The following UBE2N variants were observed in gnomAD, a reference collection of about 807,000 sequenced individuals.
The protein encoded by UBE2N is ubiquitin-conjugating enzyme E2 N.
For synonymous variants in UBE2N, 70 were observed against 69.2 expected, an observed-to-expected ratio of 1.01 and a Z score of -0.06; for missense variants, 60 against 192.1, an observed-to-expected ratio of 0.31 and a Z score of 4.07.
chr12:93,424,159 T>C (rs911661236), intron 1 of UBE2N: 1 of 152,370 alleles, frequency 6.6e-6, no homozygotes, highest in Non-Finnish European at 1.5e-5. Context: ...TCAAGGCTAG[T>C]TGATTTACAG....
At chr12:93,421,213 G>T (rs1878398082) in intron 1 of UBE2N, among the ~76,000 whole-genome samples, 1 of 146,570 alleles carries the variant, frequency 6.8e-6, no homozygotes, top group Non-Finnish European at 1.5e-5. Context: ...TTTTTGGGGG[G>T]GCTGGGGGGA....
intron 1 of UBE2N, among the ~76,000 whole-genome samples, chr12:93,429,674 C>T (rs1403416218): frequency 6.6e-6 from 1 of 151,904 alleles, no homozygotes; most frequent in Non-Finnish European, 1.5e-5. Flanking sequence ...TGTTACTGCC[C>T]CTGAAGACCT....
chr12:93,416,857 CAAAAAAA>C (rs4020452), intron 1 of UBE2N, among the ~76,000 whole-genome samples: 38 of 88,564 alleles, frequency 4.3e-4, no homozygotes, highest in African/African-American at 1.3e-3. Context: ...CCATCACTAC[CAAAAAAA>C]AAAAAAAAAA....
rs1422645037 is a variant in UBE2N, at chr12:93,407,732, G to C, written c.*2307C>G. 1 of 152,224 alleles carries C rather than the reference G, an allele frequency of 6.6e-6. No individual in the cohort carries two copies. Among genetic ancestry groups the C allele is most frequent in the Non-Finnish European group, 1.5e-5 (1 of 68,050 alleles). 9.4% of individuals were successfully genotyped at this position (152,224 alleles called of 1,614,324 possible). A position where few individuals can be genotyped will look rare whatever the true frequency, so the allele number is the denominator to read the frequency against. ...TCAGAATGTTTTAACCAGCCACACT[G>C]TGTGGGCCAGGGAAAACAGGCCCAA... On this transcript the variant is annotated 3_prime_UTR_variant, in exon 4 of 4. Transcript: ENST00000318066.
intron 1 of UBE2N, among the ~76,000 whole-genome samples, chr12:93,433,731 T>C (rs556540953): frequency 5.3e-4 from 80 of 152,378 alleles, no homozygotes; most frequent in African/African-American, 1.9e-3. Flanking sequence ...TGCTGGATGC[T>C]GCTGTCCTCA....
rs1224520086 is a variant in UBE2N at position 93,408,615 on chromosome 12, A to G, written c.*1424T>C. The G allele has an allele frequency of 1.3e-5, 2 of 152,192 alleles. No individual in the cohort carries two copies. The highest frequency in any genetic ancestry group is 4.8e-5 in the African/African-American group (2 of 41,458). The allele number at this position is 152,192 out of a possible 1,614,324, so 9.4% of individuals were successfully genotyped here. A position where few individuals can be genotyped will look rare whatever the true frequency, so the allele number is the denominator to read the frequency against. On this transcript the variant is annotated 3_prime_UTR_variant, in exon 4 of 4. Coordinates refer to ENST00000318066, the MANE Select transcript of UBE2N (RefSeq NM_003348.4). Reference sequence around the variant, plus strand: ...CAAGAATCAGGAATTAGATATGGAGAGAGGTGGGAAAGAACAGTTTTGTGA... The same window carrying G: ...CAAGAATCAGGAATTAGATATGGAGGGAGGTGGGAAAGAACAGTTTTGTGA...
chr12:93,438,226 G>A (rs1878993448), intron 1 of UBE2N, among the ~76,000 whole-genome samples: 1 of 152,146 alleles, frequency 6.6e-6, no homozygotes, highest in African/African-American at 2.4e-5. Flanking sequence ...GTTTAATGGG[G>A]AATAGAGAGA....
chr12:93,440,072 C>T (rs1879053919), intron 1 of UBE2N, among the ~76,000 whole-genome samples: 1 of 152,072 alleles, frequency 6.6e-6, no homozygotes, highest in Non-Finnish European at 1.5e-5. Flanking sequence ...TCTTCATAAT[C>T]AAAAATAGAA....
chr12:93,411,017 T>C, intron 2 of UBE2N, 36 bp downstream of exon 2: 2 of 1,614,026 alleles, frequency 1.2e-6, no homozygotes, highest in Non-Finnish European at 1.7e-6. Context: ...AGGAGAAAGC[T>C]TAATAATAGC....
chr12:93,410,328 T>C (rs922913471), intron 3 of UBE2N: 44 of 504,606 alleles, frequency 8.7e-5, no homozygotes, highest in African/African-American at 7.8e-4. Flanking sequence ...CATTTCTAGA[T>C]ACACAATTCT....
chr12:93,432,764 T>G (rs1003581869), intron 1 of UBE2N, among the ~76,000 whole-genome samples: 1 of 152,106 alleles, frequency 6.6e-6, no homozygotes, highest in African/African-American at 2.4e-5. Context: ...ACATAGCCAG[T>G]TGTTTTAATG....
intron 1 of UBE2N, among the ~76,000 whole-genome samples, chr12:93,435,409 G>A (rs1035736629): frequency 3.9e-5 from 6 of 152,050 alleles, no homozygotes; most frequent in African/African-American, 1.4e-4. Flanking sequence ...GGGGGCAGAG[G>A]TTGCAGTTAG....
At chr12:93,423,262 C>A (rs1878473523) in intron 1 of UBE2N, among the ~76,000 whole-genome samples, 1 of 152,184 alleles carries the variant, frequency 6.6e-6, no homozygotes, top group Non-Finnish European at 1.5e-5. Context: ...TAACTAATAA[C>A]TCTTAATATC....
At chr12:93,411,341 T>C in intron 1 of UBE2N, 42 bp from the exon 2 acceptor site, 1 of 1,552,734 alleles carries the variant, frequency 6.4e-7, no homozygotes, top group East Asian at 2.3e-5. Flanking sequence ...CAAATGTCAT[T>C]TTGCTAGACA....
At chr12:93,439,560 G>A (rs531325739) in intron 1 of UBE2N, among the ~76,000 whole-genome samples, 1 of 152,272 alleles carries the variant, frequency 6.6e-6, no homozygotes, top group South Asian at 2.1e-4. Context: ...ACAAAGTCAT[G>A]TCCCTATTGC....
intron 1 of UBE2N, among the ~76,000 whole-genome samples, chr12:93,437,580 T>G (rs1248943999): frequency 2.0e-5 from 3 of 152,130 alleles, no homozygotes; most frequent in African/African-American, 7.2e-5. Context: ...GTGGATCACT[T>G]GAGAAGAGGA....
rs1181519729 is a variant in UBE2N at position 93,407,155 on chromosome 12, T to C, written c.*2884A>G. Reference sequence around the variant, plus strand: ...GAGCCACTGTGCCCGGCCTGGGCAGTCGATTTTCAGGAAGCCACTTAATGT... The same window carrying C: ...GAGCCACTGTGCCCGGCCTGGGCAGCCGATTTTCAGGAAGCCACTTAATGT... On this transcript the variant is annotated 3_prime_UTR_variant, in exon 4 of 4. Coordinates refer to ENST00000318066, the MANE Select transcript of UBE2N (RefSeq NM_003348.4). 4 of 152,584 alleles carry C rather than the reference T, an allele frequency of 2.6e-5. No individual in the cohort carries two copies. In the East Asian group the frequency reaches 7.7e-4, roughly 29 times the overall value. 9.5% of individuals were successfully genotyped at this position (152,584 alleles called of 1,614,324 possible). A position where few individuals can be genotyped will look rare whatever the true frequency, so the allele number is the denominator to read the frequency against.
At chr12:93,427,563 T>C (rs561078198) in intron 1 of UBE2N, among the ~76,000 whole-genome samples, 1 of 152,276 alleles carries the variant, frequency 6.6e-6, no homozygotes, top group South Asian at 2.1e-4. Context: ...ATCCATAGAA[T>C]TGGAAAGCAG....
intron 1 of UBE2N, among the ~76,000 whole-genome samples, chr12:93,423,804 T>A (rs775121046): frequency 6.6e-6 from 1 of 152,232 alleles, no homozygotes; most frequent in Non-Finnish European, 1.5e-5. Context: ...GGTCCCCTTT[T>A]GTAATAACAT....
Sources: gnomAD v4.1 joint callset for allele counts (sites outside exome capture counted in the v4.1 genomes callset) on GRCh38, gnomAD v4.1.1 for gene constraint, MANE v1.5 for transcripts, NCBI Gene and HGNC (gene_info 2026-07-23, HGNC 2026-07-21) for gene names.